EZH2: variants seen among roughly 807,000 people sequenced by gnomAD.
The protein encoded by EZH2 is histone-lysine N-methyltransferase EZH2.
In EZH2, 18 loss-of-function variants were observed where a neutral mutation model predicts 98.4. That is an observed-to-expected ratio of 0.18 (90% confidence interval 0.13 to 0.27). The LOEUF (loss-of-function observed/expected upper bound fraction) is 0.27, where lower values mean the gene tolerates loss of function less well. Among genes scored for constraint, EZH2 ranks in the 10% least tolerant of loss-of-function variants. The probability of loss-of-function intolerance (pLI) is 1.00; values close to 1 mark genes in which losing one functional copy is unlikely to be tolerated. For synonymous variants in EZH2, 338 were observed against 312.3 expected (o/e 1.08, Z -0.87); for missense variants, 470 against 935.1 (o/e 0.50, Z 6.49).
At chr7:148,854,539 G>C (rs1816470563) in intron 1 of EZH2, among the ~76,000 whole-genome samples, 2 of 151,916 alleles carry the variant, frequency 1.3e-5, no homozygotes, top group Non-Finnish European at 2.9e-5. Context: ...TTTCTCTAAA[G>C]AAAACAATAA....
At chr7:148,856,351 G>A (rs1360239752) in intron 1 of EZH2, among the ~76,000 whole-genome samples, 1 of 152,200 alleles carries the variant, frequency 6.6e-6, no homozygotes, top group Non-Finnish European at 1.5e-5. Flanking sequence ...AAGAGGTGGT[G>A]ATGAATTAGT....
Position 148,846,459 on chromosome 7 carries a change from T to G in EZH2, c.246+11A>C. The stretch of plus-strand genomic sequence containing the variant: ...TGATGATAATTACTACAACATGTTA[T>G]GTTAACCAACCTCCCTAGTCCCGCG... On this transcript the variant is annotated intron_variant, in intron 3 of 19. Coordinates refer to ENST00000320356, the MANE Select transcript of EZH2 (RefSeq NM_004456.5). 1.2e-6 allele frequency: 2 copies of G among 1,607,500 alleles called. No homozygotes were observed. The highest frequency in any genetic ancestry group is 1.7e-6 in the Non-Finnish European group (2 of 1,177,014).
intron 1 of EZH2, 184 bp downstream of exon 1, chr7:148,883,980 G>A (rs1029099074): frequency 6.6e-6 from 1 of 152,218 alleles, no homozygotes; most frequent in Admixed American, 6.5e-5. Context: ...GCTCCTTCCG[G>A]GGAGGGGGGC....
At chr7:148,856,886 T>TC in intron 1 of EZH2, among the ~76,000 whole-genome samples, 1 of 152,292 alleles carries the variant, frequency 6.6e-6, no homozygotes, top group East Asian at 1.9e-4. Context: ...TGAGTGTATG[T>TC]CCCCATTCTG....
chr7:148,836,105 C>G (rs1810856156), intron 3 of EZH2, among the ~76,000 whole-genome samples: 1 of 152,142 alleles, frequency 6.6e-6, no homozygotes, highest in South Asian at 2.1e-4. Context: ...GCAGCTGAGC[C>G]AAGTGTGGCT....
chr7:148,841,454 C>A (rs1458242733), intron 3 of EZH2, among the ~76,000 whole-genome samples: 3 of 152,160 alleles, frequency 2.0e-5, no homozygotes, highest in Non-Finnish European at 4.4e-5. Flanking sequence ...GAGACCACTT[C>A]CTTGAGGCAA....
intron 3 of EZH2, among the ~76,000 whole-genome samples, chr7:148,845,298 C>T (rs1234578904): frequency 1.3e-5 from 2 of 152,186 alleles, no homozygotes; most frequent in Non-Finnish European, 2.9e-5. Flanking sequence ...TTCTGATGGG[C>T]ATCAAAAAGA....
chr7:148,836,848 T>C, intron 3 of EZH2: 1 of 504,756 alleles, frequency 2.0e-6, no homozygotes. Context: ...AATAGGCGAC[T>C]GTGTGGCTGG....
intron 3 of EZH2, among the ~76,000 whole-genome samples, chr7:148,835,324 G>C (rs1177140581): frequency 6.6e-6 from 1 of 151,778 alleles, no homozygotes; most frequent in Non-Finnish European, 1.5e-5. Context: ...TTGAGGGGCT[G>C]AGGTGGGAGG....
At chr7:148,825,681 C>T (rs1301709117) in intron 8 of EZH2, among the ~76,000 whole-genome samples, 1 of 152,116 alleles carries the variant, frequency 6.6e-6, no homozygotes, top group Non-Finnish European at 1.5e-5. Flanking sequence ...CAGGGGAAAA[C>T]GATTTTACAA....
At position 148,829,754 on chromosome 7, in the gene EZH2, T is replaced by C. The variant is rs797044844; in HGVS notation, c.458A>G (p.Tyr153Cys). ...GTFIEELIKN[Y>C]DGKVHGDREC... ...TCTATCCCCGTGTACTTTCCCATCATAATTTTTTATTAGTTCTTCAATGAA... is the reference window on the plus strand; with the variant it reads ...TCTATCCCCGTGTACTTTCCCATCACAATTTTTTATTAGTTCTTCAATGAA... Residue 153 changes from tyrosine (Y) to cysteine (C), a missense_variant, in exon 5 of 20, where the codon TAT becomes TGT. Coordinates refer to ENST00000320356, the MANE Select transcript of EZH2 (RefSeq NM_004456.5). The C allele has an allele frequency of 6.2e-7, 1 of 1,610,712 alleles. No individual in the cohort carries two copies. Among genetic ancestry groups the C allele is most frequent in the Middle Eastern group, 1.7e-4 (1 of 6,054 alleles).
intron 3 of EZH2, among the ~76,000 whole-genome samples, chr7:148,843,282 G>A (rs1434388452): frequency 1.3e-5 from 2 of 151,906 alleles, no homozygotes; most frequent in African/African-American, 2.4e-5. Context: ...GGAGGCTGAG[G>A]TGAGAGGATC....
At chr7:148,827,304 G>A in intron 6 of EZH2, 38 bp from the exon 7 acceptor site, 4 of 1,502,122 alleles carry the variant, frequency 2.7e-6, no homozygotes, top group Non-Finnish European at 3.7e-6. Context: ...AAGAATGGAA[G>A]TAAACAAGTT....
chr7:148,822,010 G>A (rs1806256603), intron 8 of EZH2, among the ~76,000 whole-genome samples: 1 of 152,200 alleles, frequency 6.6e-6, no homozygotes, highest in Non-Finnish European at 1.5e-5. Context: ...GGTAGTGAAA[G>A]ATGAACTTTT....
intron 8 of EZH2, among the ~76,000 whole-genome samples, chr7:148,822,427 T>C (rs1223172193): frequency 1.3e-5 from 2 of 151,860 alleles, no homozygotes; most frequent in Admixed American, 1.3e-4. Flanking sequence ...CAAGAATCCC[T>C]TGAACCCAGG....
At chr7:148,873,712 TTTA>T (rs1460564195) in intron 1 of EZH2, among the ~76,000 whole-genome samples, 1 of 151,910 alleles carries the variant, frequency 6.6e-6, no homozygotes, top group African/African-American at 2.4e-5. Context: ...TAAATAATTA[TTTA>T]TTGAGTTGCT....
At chr7:148,847,624 C>T (rs887907190) in intron 1 of EZH2, among the ~76,000 whole-genome samples, 4 of 152,110 alleles carry the variant, frequency 2.6e-5, no homozygotes, top group African/African-American at 9.7e-5. Context: ...TCTATGAGAT[C>T]CACATTTGTG....
intron 1 of EZH2, among the ~76,000 whole-genome samples, chr7:148,873,817 C>A (rs1270060105): frequency 6.6e-6 from 1 of 150,474 alleles, no homozygotes; most frequent in Admixed American, 6.7e-5. Flanking sequence ...AAGCTCTGCC[C>A]TACAGATTAA....
chr7:148,884,182 C>T lies in EZH2; in HGVS notation c.-26G>A, dbSNP rs886062081. On this transcript the variant is annotated 5_prime_UTR_variant, in exon 1 of 20. Transcript: ENST00000320356. ...GCGTTACCTTCGTCCCGCGCGCCGACTCGCGTTGTTCCCGCGCGTCGCCCC... is the reference window on the plus strand; with the variant it reads ...GCGTTACCTTCGTCCCGCGCGCCGATTCGCGTTGTTCCCGCGCGTCGCCCC... 14 of 164,386 alleles carry T rather than the reference C, an allele frequency of 8.5e-5. No individual in the cohort carries two copies. In the East Asian group the frequency reaches 1.8e-3, roughly 21 times the overall value. 10.2% of individuals were successfully genotyped at this position (164,386 alleles called of 1,614,324 possible). A position where few individuals can be genotyped will look rare whatever the true frequency, so the allele number is the denominator to read the frequency against.
Sources: gnomAD v4.1 joint callset for allele counts (sites outside exome capture counted in the v4.1 genomes callset) on GRCh38, gnomAD v4.1.1 for gene constraint, MANE v1.5 for transcripts, NCBI Gene and HGNC (gene_info 2026-07-23, HGNC 2026-07-21) for gene names.